Variants in PAK5 observed in about 807,000 individuals in gnomAD.
The protein encoded by PAK5 is serine/threonine-protein kinase PAK 5.
In PAK5, 16 loss-of-function variants were observed where a neutral mutation model predicts 65.9. That is an observed-to-expected ratio of 0.24 (90% CI 0.16 to 0.37). PAK5 has a LOEUF of 0.37. PAK5 is among the 10% of genes least tolerant of loss of function. PAK5 has a pLI of 1.00. For synonymous variants in PAK5, 371 were observed against 354.9 expected, an observed-to-expected ratio of 1.05 and a Z score of -0.51; for missense variants, 785 against 903.9, an observed-to-expected ratio of 0.87 and a Z score of 1.69.
chr20:9,546,133 C>T (rs2045340488), intron 7 of PAK5, among the ~76,000 whole-genome samples: 2 of 152,080 alleles, frequency 1.3e-5, no homozygotes, highest in Admixed American at 6.6e-5. Flanking sequence ...TTCCCCCTGC[C>T]ACACATGTTA....
intron 7 of PAK5, among the ~76,000 whole-genome samples, chr20:9,544,900 T>C (rs1344980798): frequency 6.6e-6 from 1 of 152,244 alleles, no homozygotes; most frequent in African/African-American, 2.4e-5. Context: ...AACAAACTGA[T>C]GTAATTTAGA....
chr20:9,616,287 A>G (rs1233518217), intron 3 of PAK5, among the ~76,000 whole-genome samples: 1 of 152,206 alleles, frequency 6.6e-6, no homozygotes, highest in East Asian at 1.9e-4. Context: ...GGCAGTTCCT[A>G]TATTACAGAT....
chr20:9,719,001 A>G (rs1267135330), intron 1 of PAK5, among the ~76,000 whole-genome samples: 1 of 152,176 alleles, frequency 6.6e-6, no homozygotes, highest in Non-Finnish European at 1.5e-5. Context: ...CCTGCTCCTC[A>G]TCTGCCCCCC....
chr20:9,705,884 C>T lies in PAK5; in HGVS notation c.-12+5402G>A, dbSNP rs2048000433. 2.0e-5 allele frequency among the ~76,000 whole-genome samples: 3 copies of T among 152,142 alleles called. No homozygotes were observed. In the South Asian group the frequency reaches 6.2e-4, roughly 32 times the overall value. On this transcript the variant is annotated intron_variant, in intron 2 of 9. Transcript: ENST00000353224. ...AACTACAAAAGTTTCCATTCTGCCTCTGAGGAGCTTGAGATGCTAATATTA... is the reference window on the plus strand; with the variant it reads ...AACTACAAAAGTTTCCATTCTGCCTTTGAGGAGCTTGAGATGCTAATATTA...
intron 2 of PAK5, among the ~76,000 whole-genome samples, chr20:9,698,369 A>G (rs893473059): frequency 7.2e-5 from 11 of 152,182 alleles, no homozygotes; most frequent in Admixed American, 2.0e-4. Context: ...AAGAGAGGAT[A>G]GTATAAATCC....
At chr20:9,546,485 T>C (rs2045346568) in intron 7 of PAK5, among the ~76,000 whole-genome samples, 1 of 152,128 alleles carries the variant, frequency 6.6e-6, no homozygotes, top group African/African-American at 2.4e-5. Flanking sequence ...ATCGCTAGGG[T>C]AGGATGAGAA....
At chr20:9,817,850 T>C (rs2049376074) in intron 1 of PAK5, among the ~76,000 whole-genome samples, 1 of 152,140 alleles carries the variant, frequency 6.6e-6, no homozygotes, top group Non-Finnish European at 1.5e-5. Context: ...CTATCAATTC[T>C]CAGTTAATGA....
rs549578996 is a variant in PAK5 at position 9,810,715 on chromosome 20, C to T, written c.-162+28047G>A. Among the ~76,000 whole-genome samples the T allele has an allele frequency of 8.5e-5, 13 of 152,276 alleles. No homozygotes were observed. In the East Asian group the frequency reaches 2.1e-3, roughly 25 times the overall value. ...ATGTACCTAAAATGTACCCTCTCTG[C>T]TATTACCCTAATGGAGAATCTGTTT... On this transcript the variant is annotated intron_variant, in intron 1 of 9. Transcript: ENST00000353224.
At chr20:9,698,431 A>G (rs1360337004) in intron 2 of PAK5, among the ~76,000 whole-genome samples, 1 of 152,164 alleles carries the variant, frequency 6.6e-6, no homozygotes, top group Non-Finnish European at 1.5e-5. Context: ...TGAATGCATG[A>G]TCTTTAACTT....
chr20:9,715,093 T>A (rs1431565152), intron 1 of PAK5, among the ~76,000 whole-genome samples: 3 of 152,062 alleles, frequency 2.0e-5, no homozygotes, highest in Non-Finnish European at 4.4e-5. Context: ...GAAACTACCA[T>A]CAGAGTGAAC....
At chr20:9,833,673 G>C (rs1055694990) in intron 1 of PAK5, among the ~76,000 whole-genome samples, 2 of 152,126 alleles carry the variant, frequency 1.3e-5, no homozygotes, top group African/African-American at 4.8e-5. Flanking sequence ...CCAGATGGAT[G>C]TTAGAATCAT....
chr20:9,714,600 A>T (rs1196544115), intron 1 of PAK5, among the ~76,000 whole-genome samples: 2 of 152,118 alleles, frequency 1.3e-5, no homozygotes, highest in African/African-American at 4.8e-5. Context: ...CTTAACATTG[A>T]TTTACTTGTA....
intron 3 of PAK5, among the ~76,000 whole-genome samples, chr20:9,616,313 C>G (rs1194693318): frequency 6.6e-6 from 1 of 152,164 alleles, no homozygotes; most frequent in African/African-American, 2.4e-5. Flanking sequence ...ACTGAAAGCA[C>G]AGAGAGTTTC....
chr20:9,641,068 C>A (rs2123262326), intron 3 of PAK5, among the ~76,000 whole-genome samples: 1 of 152,238 alleles, frequency 6.6e-6, no homozygotes, highest in East Asian at 1.9e-4. Context: ...CCTGTTTTGT[C>A]AGGGTGCTGA....
intron 3 of PAK5, among the ~76,000 whole-genome samples, chr20:9,592,651 G>C (rs1202251037): frequency 3.3e-5 from 5 of 152,184 alleles, no homozygotes; most frequent in African/African-American, 1.2e-4. Flanking sequence ...GCACTCTATG[G>C]GCAGCTTCTG....
chr20:9,659,337 G>A (rs1476122020), intron 2 of PAK5, among the ~76,000 whole-genome samples: 1 of 152,192 alleles, frequency 6.6e-6, no homozygotes, highest in Non-Finnish European at 1.5e-5. Context: ...AGATTGGTCA[G>A]ATGGGTCACA....
chr20:9,776,559 T>A (rs996797593), intron 1 of PAK5, among the ~76,000 whole-genome samples: 1 of 152,110 alleles, frequency 6.6e-6, no homozygotes, highest in African/African-American at 2.4e-5. Context: ...AAGTCAGAAG[T>A]GGTATATCAT....
intron 3 of PAK5, among the ~76,000 whole-genome samples, chr20:9,643,888 C>T (rs1600188909): frequency 6.6e-6 from 1 of 152,102 alleles, no homozygotes; most frequent in South Asian, 2.1e-4. Context: ...ATTTTGTGAT[C>T]GTGTTTTATG....
At chr20:9,796,161 C>G (rs1044916956) in intron 1 of PAK5, among the ~76,000 whole-genome samples, 1 of 151,960 alleles carries the variant, frequency 6.6e-6, no homozygotes, top group African/African-American at 2.4e-5. Context: ...TAACCTCAGA[C>G]AGTTAATGAA....
Sources: gnomAD v4.1 joint callset for allele counts (sites outside exome capture counted in the v4.1 genomes callset) on GRCh38, gnomAD v4.1.1 for gene constraint, MANE v1.5 for transcripts, NCBI Gene and HGNC (gene_info 2026-07-23, HGNC 2026-07-21) for gene names.